SLC8A1: variants seen among roughly 807,000 people sequenced by gnomAD.
SLC8A1 encodes solute carrier family 8 member A1.
Under a neutral mutation model 68.3 loss-of-function variants are expected in SLC8A1, and 18 were observed. That is an observed-to-expected ratio of 0.26 (90% CI 0.18 to 0.39). SLC8A1 has a LOEUF of 0.39. Among genes scored for constraint, SLC8A1 ranks in the 10% least tolerant of loss-of-function variants. The probability of loss-of-function intolerance (pLI) is 1.00; values close to 1 mark genes in which losing one functional copy is unlikely to be tolerated. For synonymous variants in SLC8A1, 475 were observed against 415.5 expected, an observed-to-expected ratio of 1.14 and a Z score of -1.74; for missense variants, 985 against 1,156.7, an observed-to-expected ratio of 0.85 and a Z score of 2.15.
intron 2 of SLC8A1, among the ~76,000 whole-genome samples, chr2:40,413,304 T>C (rs1046206599): frequency 6.6e-6 from 1 of 152,124 alleles, no homozygotes; most frequent in East Asian, 1.9e-4. Context: ...CATGCACACA[T>C]ATGTTTATTG....
chr2:40,407,343 G>A (rs752380228), intron 2 of SLC8A1, among the ~76,000 whole-genome samples: 2 of 152,220 alleles, frequency 1.3e-5, no homozygotes, highest in African/African-American at 4.8e-5. Flanking sequence ...TGGGACTACA[G>A]GCATAAGCCA....
chr2:40,386,879 T>C (rs2149579970), intron 2 of SLC8A1, among the ~76,000 whole-genome samples: 2 of 151,404 alleles, frequency 1.3e-5, no homozygotes, highest in South Asian at 4.1e-4. Context: ...AACTACCATT[T>C]TGTCTTCCTT....
intron 1 of SLC8A1, among the ~76,000 whole-genome samples, chr2:40,492,784 A>C (rs1705408163): frequency 6.7e-6 from 1 of 149,138 alleles, no homozygotes; most frequent in African/African-American, 2.5e-5. Context: ...GCAAATCAAA[A>C]CCACAATGAG....
intron 2 of SLC8A1, among the ~76,000 whole-genome samples, chr2:40,188,096 C>T (rs528064369): frequency 6.6e-6 from 1 of 152,158 alleles, no homozygotes; most frequent in Admixed American, 6.6e-5. Flanking sequence ...AAAATAGATG[C>T]AAATTGATTT....
chr2:40,114,147 T>G (rs2034930774), exon 8 of SLC8A1: 1 of 152,768 alleles, frequency 6.5e-6, no homozygotes, highest in African/African-American at 2.4e-5. Context: ...TTTGTTTTGT[T>G]TTATTTGTTT....
chr2:40,252,704 A>G, intron 2 of SLC8A1, among the ~76,000 whole-genome samples: 1 of 148,852 alleles, frequency 6.7e-6, no homozygotes, highest in Middle Eastern at 3.4e-3. Context: ...CTTGCTTAGA[A>G]GGGGGATAAA....
chr2:40,377,640 C>T (rs529782835), intron 2 of SLC8A1, among the ~76,000 whole-genome samples: 3 of 152,174 alleles, frequency 2.0e-5, no homozygotes, highest in African/African-American at 7.2e-5. Flanking sequence ...AAATAGATTT[C>T]CACCATAGAT....
In SLC8A1 at chr2:40,175,244, A is replaced by G; in HGVS notation, c.1913-402T>C. On this transcript the variant is annotated intron_variant, in intron 3 of 7. Coordinates refer to ENST00000406785, the Ensembl canonical transcript of SLC8A1. The stretch of plus-strand genomic sequence containing the variant: ...TCTAGAAAAATGGAAAGGAAATGCA[A>G]GAAATGAAATGCTTACCAAGCTCAT... 1 of 1,612,214 alleles carries G rather than the reference A, an allele frequency of 6.2e-7. No individual in the cohort carries two copies. Among genetic ancestry groups the G allele is most frequent in the African/African-American group, 1.3e-5 (1 of 75,014 alleles).
chr2:40,494,448 G>C (rs1705537950), intron 1 of SLC8A1, among the ~76,000 whole-genome samples: 1 of 151,668 alleles, frequency 6.6e-6, no homozygotes, highest in South Asian at 2.1e-4. Flanking sequence ...ATTGTGAGTA[G>C]TGCCGCAATA....
intron 1 of SLC8A1, among the ~76,000 whole-genome samples, chr2:40,438,126 T>A (rs940938810): frequency 1.4e-4 from 21 of 152,162 alleles, no homozygotes; most frequent in African/African-American, 5.1e-4. Flanking sequence ...ATTTCAATTA[T>A]AATGAGCTCC....
chr2:40,507,825 A>G (rs1706464830), intron 1 of SLC8A1, among the ~76,000 whole-genome samples: 1 of 152,074 alleles, frequency 6.6e-6, no homozygotes, highest in African/African-American at 2.4e-5. Flanking sequence ...ATACATATCA[A>G]GATAGTTTTT....
At chr2:40,201,743 A>G (rs776715897) in intron 2 of SLC8A1, among the ~76,000 whole-genome samples, 1 of 151,924 alleles carries the variant, frequency 6.6e-6, no homozygotes, top group Non-Finnish European at 1.5e-5. Context: ...CCTGAAGAAG[A>G]CTTCTTGTTA....
At chr2:40,311,732 T>C (rs947473209) in intron 2 of SLC8A1, among the ~76,000 whole-genome samples, 1 of 152,138 alleles carries the variant, frequency 6.6e-6, no homozygotes, top group Non-Finnish European at 1.5e-5. Context: ...TTTTTTTTTC[T>C]GGAATGAACA....
intron 2 of SLC8A1, among the ~76,000 whole-genome samples, chr2:40,277,039 A>G (rs1164267303): frequency 6.6e-6 from 1 of 152,242 alleles, no homozygotes; most frequent in African/African-American, 2.4e-5. Context: ...ATGTAAATTA[A>G]AAACAATGAT....
At chr2:40,311,975 C>T (rs1490594157) in intron 2 of SLC8A1, among the ~76,000 whole-genome samples, 1 of 152,092 alleles carries the variant, frequency 6.6e-6, no homozygotes, top group African/African-American at 2.4e-5. Flanking sequence ...ACTTGACCTA[C>T]TCCCCTTCCC....
intron 2 of SLC8A1, among the ~76,000 whole-genome samples, chr2:40,347,203 T>A (rs187867281): frequency 4.6e-5 from 7 of 152,318 alleles, no homozygotes; most frequent in African/African-American, 1.7e-4. Flanking sequence ...GGTGCAATCA[T>A]AGCTCACTGC....
chr2:40,402,037 C>T (rs1343150027), intron 2 of SLC8A1, among the ~76,000 whole-genome samples: 1 of 152,110 alleles, frequency 6.6e-6, no homozygotes, highest in Non-Finnish European at 1.5e-5. Flanking sequence ...AGGCTGAGAC[C>T]TACAGAGCTG....
intron 2 of SLC8A1, among the ~76,000 whole-genome samples, chr2:40,329,060 T>TCACACA (rs70957170): frequency 1.5e-3 from 217 of 141,228 alleles, no homozygotes; most frequent in Middle Eastern, 3.6e-3. Context: ...CACTACAACC[T>TCACACA]CACACACACA....
intron 5 of SLC8A1, among the ~76,000 whole-genome samples, chr2:40,164,087 A>G (rs1283448939): frequency 6.6e-6 from 1 of 152,204 alleles, no homozygotes; most frequent in Admixed American, 6.5e-5. Flanking sequence ...TTCATATCCC[A>G]CTGCAGAACT....
Sources: allele counts gnomAD v4.1 joint callset (sites outside exome capture counted in the v4.1 genomes callset), GRCh38; gene constraint gnomAD v4.1.1; transcripts MANE v1.5; gene names NCBI Gene and HGNC (gene_info 2026-07-23, HGNC 2026-07-21).